The following SYNDIG1 variants were observed in gnomAD, a reference collection of about 807,000 sequenced individuals.
SYNDIG1 encodes the protein synapse differentiation inducing 1.
SYNDIG1 carries 9 observed loss-of-function variants against 19.4 expected under a neutral mutation model. The observed-to-expected ratio is 0.46, with a 90% CI of 0.28 to 0.81. The LOEUF is 0.81. Ranked by LOEUF, SYNDIG1 falls within the 30% of genes least tolerant of loss-of-function variation. The pLI is 0.12. For synonymous variants in SYNDIG1, 141 were observed against 145.9 expected (o/e 0.97, Z 0.24); for missense variants, 311 against 343.3 (o/e 0.91, Z 0.74).
At chr20:24,604,153 T>C (rs763683421) in intron 3 of SYNDIG1, among the ~76,000 whole-genome samples, 10 of 152,130 alleles carry the variant, frequency 6.6e-5, no homozygotes, top group Admixed American at 2.0e-4. Flanking sequence ...GCTTAGAACA[T>C]GTACATTGTG....
intron 1 of SYNDIG1, among the ~76,000 whole-genome samples, chr20:24,525,273 ACTT>A (rs1480131631): frequency 7.2e-5 from 10 of 139,822 alleles, no homozygotes; most frequent in African/African-American, 1.1e-4. Flanking sequence ...TTTTATACAT[ACTT>A]CTTCTTCTTC....
intron 3 of SYNDIG1, among the ~76,000 whole-genome samples, chr20:24,606,548 A>G (rs2058759991): frequency 6.6e-6 from 1 of 152,220 alleles, no homozygotes; most frequent in Admixed American, 6.5e-5. Flanking sequence ...TTATTGAGAA[A>G]GTTATTATAA....
intron 2 of SYNDIG1, among the ~76,000 whole-genome samples, chr20:24,544,081 G>T (rs954996084): frequency 6.6e-6 from 1 of 152,222 alleles, no homozygotes; most frequent in African/African-American, 2.4e-5. Flanking sequence ...TGTAGGTACT[G>T]ATAGCCTGAA....
At chr20:24,614,696 G>C (rs1182548302) in intron 3 of SYNDIG1, among the ~76,000 whole-genome samples, 1 of 152,146 alleles carries the variant, frequency 6.6e-6, no homozygotes, top group African/African-American at 2.4e-5. Context: ...CCTCCACACA[G>C]ATCCTTTTTG....
At chr20:24,559,006 C>G (rs771879768) in intron 2 of SYNDIG1, among the ~76,000 whole-genome samples, 1 of 152,100 alleles carries the variant, frequency 6.6e-6, no homozygotes, top group African/African-American at 2.4e-5. Context: ...TATCAGAAAT[C>G]AATATATCAA....
Position 24,658,958 on chromosome 20 carries a change from A to C in SYNDIG1, c.619-6388A>C, listed in dbSNP as rs189702202. ...AGTGGCACAGCCGAGCAGCATCTCC[A>C]TCCCCAGGAGCTTCTGCACGGCTCT... On this transcript the variant is annotated intron_variant, in intron 3 of 3. Transcript: ENST00000376862. The surrounding 1 kb of genome is among the most constrained non-coding windows in gnomAD (Gnocchi z 4.4). Among the ~76,000 whole-genome samples the C allele has an allele frequency of 3.3e-5, 5 of 152,194 alleles. No homozygotes were observed. Among genetic ancestry groups the C allele is most frequent in the Admixed American group, 3.3e-4 (5 of 15,298 alleles).
At chr20:24,566,404 AAGAAATAAATGAAACTATCAG>A (rs2058042579) in intron 2 of SYNDIG1, among the ~76,000 whole-genome samples, 1 of 152,338 alleles carries the variant, frequency 6.6e-6, no homozygotes, top group South Asian at 2.1e-4. Flanking sequence ...GAAATATCTG[AAGAAATAAATGAAACTATCAG>A]AGAAATAAAT....
chr20:24,533,702 A>T (rs989782405), intron 1 of SYNDIG1, among the ~76,000 whole-genome samples: 2 of 152,108 alleles, frequency 1.3e-5, no homozygotes, highest in African/African-American at 4.8e-5. Context: ...CTGGGTGCTG[A>T]TCCATCAGCT....
At chr20:24,633,319 C>A (rs1300156610) in intron 3 of SYNDIG1, among the ~76,000 whole-genome samples, 3 of 152,190 alleles carry the variant, frequency 2.0e-5, no homozygotes, top group Non-Finnish European at 2.9e-5. Context: ...CTGGCACGTG[C>A]CTTCCTCCCT....
chr20:24,475,023 C>A (rs1485971248), intron 1 of SYNDIG1, among the ~76,000 whole-genome samples: 1 of 152,216 alleles, frequency 6.6e-6, no homozygotes, highest in Non-Finnish European at 1.5e-5. Context: ...GAACCACCCC[C>A]CATGCCCCCA....
chr20:24,497,195 TTTTGTTTG>T (rs749146366), intron 1 of SYNDIG1, among the ~76,000 whole-genome samples: 2 of 152,238 alleles, frequency 1.3e-5, no homozygotes, highest in South Asian at 2.1e-4. Context: ...TTTATGTGTT[TTTTGTTTG>T]TTTGTTTGTT....
intron 1 of SYNDIG1, among the ~76,000 whole-genome samples, chr20:24,537,073 A>T (rs2146675878): frequency 6.6e-6 from 1 of 152,120 alleles, no homozygotes; most frequent in African/African-American, 2.4e-5. Flanking sequence ...ATCCCACTTA[A>T]GCCTTTCTTC....
At chr20:24,642,947 A>G (rs2147343496) in intron 3 of SYNDIG1, among the ~76,000 whole-genome samples, 1 of 152,286 alleles carries the variant, frequency 6.6e-6, no homozygotes, top group South Asian at 2.1e-4. Context: ...TCATGCCATT[A>G]CTGTTAGGTT....
At chr20:24,582,547 T>A (rs569881539) in intron 2 of SYNDIG1, among the ~76,000 whole-genome samples, 1 of 150,568 alleles carries the variant, frequency 6.6e-6, no homozygotes, top group Non-Finnish European at 1.5e-5. Context: ...CCACTGCTTG[T>A]CCTTCCCACC....
chr20:24,592,525 T>C (rs537890917), intron 3 of SYNDIG1, among the ~76,000 whole-genome samples: 1 of 152,334 alleles, frequency 6.6e-6, no homozygotes, highest in South Asian at 2.1e-4. Flanking sequence ...TTAGTTGTGT[T>C]CTTGAGCTGC....
chr20:24,627,163 G>A (rs891545291), intron 3 of SYNDIG1, among the ~76,000 whole-genome samples: 6 of 141,270 alleles, frequency 4.2e-5, no homozygotes, highest in Admixed American at 1.4e-4. Context: ...GAGCGAGAGC[G>A]AGAGCGAGAG....
At chr20:24,571,376 A>G (rs1203424477) in intron 2 of SYNDIG1, among the ~76,000 whole-genome samples, 1 of 152,198 alleles carries the variant, frequency 6.6e-6, no homozygotes, top group Non-Finnish European at 1.5e-5. Flanking sequence ...GAGGCAAGCA[A>G]GGGTATATGG....
intron 1 of SYNDIG1, among the ~76,000 whole-genome samples, chr20:24,510,407 T>TAA (rs76707708): frequency 7.3e-6 from 1 of 137,830 alleles, no homozygotes; most frequent in Non-Finnish European, 1.6e-5. Flanking sequence ...CATCTGTACT[T>TAA]AAAAAAAAAA....
At chr20:24,504,045 C>T (rs1406425035) in intron 1 of SYNDIG1, among the ~76,000 whole-genome samples, 1 of 151,046 alleles carries the variant, frequency 6.6e-6, no homozygotes, top group Non-Finnish European at 1.5e-5. Flanking sequence ...CTGCAAGCTC[C>T]ACCTCCCAGG....
Sources: allele counts gnomAD v4.1 joint callset (sites outside exome capture counted in the v4.1 genomes callset), GRCh38; gene constraint gnomAD v4.1.1; non-coding constraint Gnocchi (gnomAD v3.1); transcripts MANE v1.5; gene names NCBI Gene and HGNC (gene_info 2026-07-23, HGNC 2026-07-21).